The following FBXL20 variants were observed in gnomAD, a reference collection of about 807,000 sequenced individuals.
FBXL20 encodes the protein F-box/LRR-repeat protein 20.
FBXL20 carries 11 observed loss-of-function variants against 64.0 expected under a neutral mutation model. The observed-to-expected ratio is 0.17, with a 90% CI of 0.11 to 0.28. FBXL20 has a LOEUF of 0.28. FBXL20 is among the 10% of genes least tolerant of loss of function. The pLI, the probability that FBXL20 is intolerant of heterozygous loss-of-function variation, is 1.00. For synonymous variants in FBXL20, 184 were observed against 189.0 expected (o/e 0.97, Z 0.22); for missense variants, 303 against 526.2 (o/e 0.58, Z 4.15).
upstream of FBXL20, chr17:39,402,134 T>A (rs895657511): frequency 1.6e-5 from 20 of 1,232,850 alleles, no homozygotes; most frequent in Non-Finnish European, 2.0e-5. Flanking sequence ...GGCACCCGCA[T>A]CCTTCCCGGC....
chr17:39,283,177 G>C (rs2046962100), intron 7 of FBXL20, among the ~76,000 whole-genome samples: 1 of 152,072 alleles, frequency 6.6e-6, no homozygotes, highest in Admixed American at 6.6e-5. Context: ...ATTTATTCTA[G>C]TTTACAGAGT....
chr17:39,383,820 G>C (rs989044315), intron 1 of FBXL20, among the ~76,000 whole-genome samples: 3 of 151,838 alleles, frequency 2.0e-5, no homozygotes, highest in African/African-American at 4.8e-5. Flanking sequence ...GAACTCCTGA[G>C]CTCAGGCAAT....
intron 6 of FBXL20, among the ~76,000 whole-genome samples, chr17:39,286,604 G>T (rs1192619405): frequency 1.3e-5 from 2 of 152,082 alleles, no homozygotes; most frequent in African/African-American, 2.4e-5. Flanking sequence ...TTCTAGACCA[G>T]CCTGACCAAC....
intron 1 of FBXL20, among the ~76,000 whole-genome samples, chr17:39,378,032 A>T (rs1306418114): frequency 6.6e-6 from 1 of 152,082 alleles, no homozygotes; most frequent in African/African-American, 2.4e-5. Flanking sequence ...CCGCCCCCCA[A>T]CCAAAAAAAG....
At chr17:39,332,536 C>CTTTT (rs58827473) in intron 2 of FBXL20, among the ~76,000 whole-genome samples, 3 of 96,944 alleles carry the variant, frequency 3.1e-5, no homozygotes, top group Admixed American at 1.3e-4. Context: ...TTCTTTGTAT[C>CTTTT]TTTTTTTTTT....
intron 9 of FBXL20, among the ~76,000 whole-genome samples, chr17:39,276,143 C>T (rs1047405834): frequency 7.4e-6 from 1 of 135,430 alleles, no homozygotes; most frequent in African/African-American, 2.8e-5. Flanking sequence ...GCTACTTGGA[C>T]GGCTGACACA....
intron 1 of FBXL20, among the ~76,000 whole-genome samples, chr17:39,349,715 T>A (rs995562290): frequency 6.6e-6 from 1 of 152,078 alleles, no homozygotes; most frequent in African/African-American, 2.4e-5. Flanking sequence ...GGCAGGCAGA[T>A]CACGAGGTCA....
At position 39,322,163 on chromosome 17, in the gene FBXL20, C is replaced by CAA. The variant is rs761771926; in HGVS notation, c.105-18526_105-18525dup. On this transcript the variant is annotated intron_variant, in intron 2 of 14. Coordinates refer to ENST00000264658, the MANE Select transcript of FBXL20 (RefSeq NM_032875.3). ...AAACATAGTGAGACACTATCTCTACCAAAAAAAAAAAAAAAAAAAAAAAAA... is the reference window on the plus strand; with the variant it reads ...AAACATAGTGAGACACTATCTCTACCAAAAAAAAAAAAAAAAAAAAAAAAAAA... Among the ~76,000 whole-genome samples the CAA allele has an allele frequency of 9.7e-4, 51 of 52,532 alleles. 2 individuals carry two copies. Among genetic ancestry groups the CAA allele is most frequent in the South Asian group, 5.0e-3 (6 of 1,200 alleles). 34.5% of individuals were successfully genotyped at this position (52,532 alleles called of 152,430 possible).
chr17:39,262,213 C>G (rs553778085), intron 14 of FBXL20, among the ~76,000 whole-genome samples: 7 of 152,136 alleles, frequency 4.6e-5, no homozygotes, highest in Non-Finnish European at 1.0e-4. Context: ...CTGAGGCCAA[C>G]TCGAACTCAA....
At position 39,401,439 on chromosome 17, in the gene FBXL20, C is replaced by T; in HGVS notation, c.-37G>A. The T allele has an allele frequency of 1.9e-6, 3 of 1,568,304 alleles. No individual in the cohort carries two copies. The highest frequency in any genetic ancestry group is 2.6e-6 in the Non-Finnish European group (3 of 1,158,492). On this transcript the variant is annotated 5_prime_UTR_variant, in exon 1 of 15. Coordinates refer to ENST00000264658, the MANE Select transcript of FBXL20 (RefSeq NM_032875.3). ...GTGCGGCCCGGGCCGGGCGCTGCGG[C>T]GAGCGGAGTGCACAGACCGGGGGCC...
chr17:39,314,755 C>A (rs866604693), intron 2 of FBXL20, among the ~76,000 whole-genome samples: 1 of 151,232 alleles, frequency 6.6e-6, no homozygotes, highest in African/African-American at 2.4e-5. Flanking sequence ...TACATTCTCA[C>A]GAGCAGTTTG....
intron 1 of FBXL20, among the ~76,000 whole-genome samples, chr17:39,364,873 G>A (rs1006663130): frequency 3.3e-5 from 5 of 152,234 alleles, no homozygotes; most frequent in South Asian, 2.1e-4. Context: ...TCTTATGAGC[G>A]ACCTATTGGG....
At chr17:39,338,115 A>C (rs964107735) in intron 2 of FBXL20, among the ~76,000 whole-genome samples, 87 of 152,254 alleles carry the variant, frequency 5.7e-4, no homozygotes, top group African/African-American at 1.9e-3. Flanking sequence ...GGTGGGGAAA[A>C]GATTGAGAAA....
At chr17:39,385,840 G>T (rs2048073314) in intron 1 of FBXL20, among the ~76,000 whole-genome samples, 1 of 151,094 alleles carries the variant, frequency 6.6e-6, no homozygotes, top group Non-Finnish European at 1.5e-5. Context: ...GACCATCCTG[G>T]CAAACATGAT....
intron 2 of FBXL20, among the ~76,000 whole-genome samples, chr17:39,322,590 A>G (rs1298071012): frequency 6.6e-6 from 1 of 152,194 alleles, no homozygotes; most frequent in East Asian, 1.9e-4. Context: ...TGAGTAGAAT[A>G]CTCCCGTTTA....
intron 1 of FBXL20, among the ~76,000 whole-genome samples, chr17:39,376,107 A>G (rs1452314853): frequency 6.6e-6 from 1 of 152,128 alleles, no homozygotes; most frequent in Non-Finnish European, 1.5e-5. Context: ...CGACAGTGTG[A>G]GACTCCATCT....
At chr17:39,282,032 A>T (rs1167252739) in intron 8 of FBXL20, among the ~76,000 whole-genome samples, 2 of 152,210 alleles carry the variant, frequency 1.3e-5, no homozygotes, top group East Asian at 3.8e-4. Context: ...TACATCTGAA[A>T]TTCTCTTTCA....
At chr17:39,295,786 T>TAG (rs745798847) in intron 6 of FBXL20, among the ~76,000 whole-genome samples, 3 of 131,230 alleles carry the variant, frequency 2.3e-5, no homozygotes, top group Non-Finnish European at 4.5e-5. Flanking sequence ...AATATGGAGA[T>TAG]ATATATATAT....
At chr17:39,266,005 CAG>C (rs755872472) in intron 12 of FBXL20, among the ~76,000 whole-genome samples, 4 of 151,662 alleles carry the variant, frequency 2.6e-5, no homozygotes, top group African/African-American at 7.3e-5. Flanking sequence ...CCTCGCCTCA[CAG>C]AGTGTTGAGA....
Sources: gnomAD v4.1 joint callset for allele counts (sites outside exome capture counted in the v4.1 genomes callset) on GRCh38, gnomAD v4.1.1 for gene constraint, MANE v1.5 for transcripts, NCBI Gene and HGNC (gene_info 2026-07-23, HGNC 2026-07-21) for gene names.